Variants in SPNS2 observed in about 807,000 individuals in gnomAD.
SPNS2 encodes sphingosine-1-phosphate transporter SPNS2.
SPNS2 carries 37 observed loss-of-function variants against 57.6 expected under a neutral mutation model. The observed-to-expected ratio is 0.64, with a 90% CI of 0.49 to 0.85. SPNS2 has a LOEUF of 0.85. SPNS2 is among the 40% of genes least tolerant of loss of function. The pLI, the probability that SPNS2 is intolerant of heterozygous loss-of-function variation, is 0.00. For missense variants in SPNS2, 831 were observed against 779.1 expected, an observed-to-expected ratio of 1.07 and a Z score of -0.79; for synonymous variants, 440 against 346.9, an observed-to-expected ratio of 1.27 and a Z score of -2.98.
At chr17:4,520,409 G>A (rs773311123) in intron 2 of SPNS2, among the ~76,000 whole-genome samples, 26 of 152,166 alleles carry the variant, frequency 1.7e-4, no homozygotes, top group Admixed American at 1.3e-3. Context: ...GGGGTCTGGC[G>A]AAGGTCTGGG....
At chr17:4,513,195 G>A (rs1447052471) in intron 1 of SPNS2, 52 bp from the exon 2 acceptor site, 6 of 1,588,858 alleles carry the variant, frequency 3.8e-6, no homozygotes, top group Non-Finnish European at 5.2e-6. Flanking sequence ...CTGGTCTGTG[G>A]GGACACCAGC....
In SPNS2 at chr17:4,499,144, G is replaced by C. The variant is rs1234393623; in HGVS notation, c.97G>C (p.Gly33Arg). The C allele has an allele frequency of 4.2e-6, 5 of 1,181,322 alleles. No individual in the cohort carries two copies. The highest frequency in any genetic ancestry group is 4.2e-6 in the Non-Finnish European group (4 of 955,674). The allele number at this position is 1,181,322 out of a possible 1,614,324, so 73.2% of individuals were successfully genotyped here. ...RRRRRRGAQRGAGGSGCCGAR... is the reference protein window; with the variant it reads ...RRRRRRGAQRRAGGSGCCGAR... Reference sequence around the variant, plus strand: ...GCGCCGGCGCCGGGGGGCGCAGCGAGGGGCTGGCGGTAGCGGTTGCTGCGG... The same window carrying C: ...GCGCCGGCGCCGGGGGGCGCAGCGACGGGCTGGCGGTAGCGGTTGCTGCGG... Residue 33 changes from glycine (G) to arginine (R), a missense_variant, in exon 1 of 13, where the codon GGG (glycine) becomes CGG (arginine). By Grantham distance (125) the Gly-to-Arg change is moderately radical. Around this residue, in one of 2 missense-constraint regions of SPNS2, gnomAD observed 305 missense variants for 378.3 expected, o/e 0.81. Transcript: ENST00000329078. The surrounding 1 kb of genome is among the most constrained non-coding windows in gnomAD (Gnocchi z 5.2).
chr17:4,508,940 G>A (rs1374551655), intron 1 of SPNS2, among the ~76,000 whole-genome samples: 1 of 152,224 alleles, frequency 6.6e-6, no homozygotes, highest in African/African-American at 2.4e-5. Context: ...TAGGAGATTC[G>A]TAAGAGCTTG....
intron 2 of SPNS2, among the ~76,000 whole-genome samples, chr17:4,516,342 A>T (rs141272094): frequency 2.2e-5 from 1 of 44,454 alleles, no homozygotes; most frequent in Non-Finnish European, 3.8e-5. Flanking sequence ...AAAAAAAAAA[A>T]ACAAAAAAAC....
rs966102549 is a variant in SPNS2 at position 4,499,020 on chromosome 17, G to A, written c.-28G>A. On this transcript the variant is annotated 5_prime_UTR_variant, in exon 1 of 13. Transcript: ENST00000329078. This position sits in a 1 kb window ranked among gnomAD's most constrained non-coding sequence, Gnocchi z 5.2. ...CCAGCCTGGGCCCCGCGCCCCCCGCGCCCCCCGCCGCCCCGATCCGGGCCG... is the reference window on the plus strand; with the variant it reads ...CCAGCCTGGGCCCCGCGCCCCCCGCACCCCCCGCCGCCCCGATCCGGGCCG... 24 of 993,064 alleles carry A rather than the reference G, an allele frequency of 2.4e-5. No homozygotes were observed. The highest frequency in any genetic ancestry group is 2.8e-5 in the Non-Finnish European group (23 of 836,058). The allele number at this position is 993,064 out of a possible 1,614,324, so 61.5% of individuals were successfully genotyped here.
chr17:4,536,105 T>G lies in SPNS2; in HGVS notation c.1374T>G (p.Thr458=). 1 of 1,612,220 alleles carries G rather than the reference T, an allele frequency of 6.2e-7. No homozygotes were observed. Among genetic ancestry groups the G allele is most frequent in the Non-Finnish European group, 8.5e-7 (1 of 1,179,760 alleles). Residue 458 remains threonine (T), a synonymous_variant, in exon 10 of 13, where the codon ACT becomes ACG. Coordinates refer to ENST00000329078, the MANE Select transcript of SPNS2 (RefSeq NM_001124758.3). The stretch of plus-strand genomic sequence containing the variant: ...TGGTCATCCCCACGCGGCGCGCCAC[T>G]GCCGTGGCCTTGCAGAGCTTCACCT... ...MYVVIPTRRA[T]AVALQSFTSH... is the part of the protein sequence containing the mutation.
intron 2 of SPNS2, among the ~76,000 whole-genome samples, chr17:4,517,032 C>T (rs906115806): frequency 1.3e-5 from 2 of 152,234 alleles, no homozygotes; most frequent in Non-Finnish European, 2.9e-5. Context: ...CCGCCTGGCT[C>T]AGTTTCCGGG....
intron 8 of SPNS2, 69 bp from the exon 9 acceptor site, chr17:4,533,719 A>G (rs1905614307): frequency 7.1e-6 from 11 of 1,554,638 alleles, no homozygotes; most frequent in South Asian, 2.2e-5. Context: ...GCCAGTGTGT[A>G]GGGAACAGAG....
At position 4,512,266 on chromosome 17, in the gene SPNS2, C is replaced by T. The variant is rs1904848186; in HGVS notation, c.371-981C>T. On this transcript the variant is annotated intron_variant, in intron 1 of 12. Transcript: ENST00000329078. This position sits in a 1 kb window ranked among gnomAD's most constrained non-coding sequence, Gnocchi z 5.2. Reference sequence around the variant, plus strand: ...GGGGCTCTGGCCTGTGCCCTGGGTCCTCCTGTCCTCACAGATAATGCAGGC... The same window carrying T: ...GGGGCTCTGGCCTGTGCCCTGGGTCTTCCTGTCCTCACAGATAATGCAGGC... 6.6e-6 allele frequency among the ~76,000 whole-genome samples: 1 copy of T among 152,170 alleles called. No homozygotes were observed. The highest frequency in any genetic ancestry group is 2.4e-5 in the African/African-American group (1 of 41,434).
intron 1 of SPNS2, among the ~76,000 whole-genome samples, chr17:4,505,325 A>G (rs1904643953): frequency 6.6e-6 from 1 of 152,160 alleles, no homozygotes. Flanking sequence ...CTGAAAGGGC[A>G]CTGGTAGGTT....
rs576318871 is a variant in SPNS2, at chr17:4,536,432, T to TTG, written c.1607+6_1607+7insTG. ...CGCGCCAGGGCTGAGCAGCAGTGAG[T>TTG]GGGGGGGAGGGGAGGCCCTGCTGCA... On this transcript the variant is annotated splice_region_variant and intron_variant, in intron 11 of 12. Coordinates refer to ENST00000329078, the MANE Select transcript of SPNS2 (RefSeq NM_001124758.3). 5.1e-5 allele frequency: 81 copies of TTG among 1,578,656 alleles called. 1 individual carries two copies. In the South Asian group the frequency reaches 5.9e-4, roughly 11 times the overall value.
At chr17:4,503,947 A>AG (rs1210318406) in intron 1 of SPNS2, among the ~76,000 whole-genome samples, 1 of 140,244 alleles carries the variant, frequency 7.1e-6, no homozygotes, top group Admixed American at 7.0e-5. Flanking sequence ...GTGCAGGAGG[A>AG]GGGGGTGCCA....
intron 2 of SPNS2, among the ~76,000 whole-genome samples, chr17:4,524,366 C>T (rs554328759): frequency 5.9e-5 from 9 of 152,248 alleles, no homozygotes; most frequent in Non-Finnish European, 1.3e-4. Flanking sequence ...TGGAAAGATA[C>T]GTAATACATG....
intron 2 of SPNS2, among the ~76,000 whole-genome samples, chr17:4,524,279 C>T (rs1221726360): frequency 6.6e-6 from 1 of 152,178 alleles, no homozygotes; most frequent in Non-Finnish European, 1.5e-5. Context: ...CCCACTGGAA[C>T]ATTTACTGCC....
At chr17:4,535,310 G>C (rs72830097) in intron 9 of SPNS2, among the ~76,000 whole-genome samples, 46,498 of 152,108 alleles carry the variant, frequency 0.31, 7,488 homozygotes, top group East Asian at 0.54. Context: ...GGTGCGAGCG[G>C]AGGCTCTTGC....
rs1376711279 is a variant in SPNS2, at chr17:4,537,957, GGTA to G, written c.*510_*512del. On this transcript the variant is annotated 3_prime_UTR_variant, in exon 13 of 13. Coordinates refer to ENST00000329078, the MANE Select transcript of SPNS2 (RefSeq NM_001124758.3). ...GGCTTTGAGGCTCACGCGAGGGCCT[GGTA>G]TGCAGGGACCACTGCTCAGCTGGGC... The G allele has an allele frequency of 1.4e-5, 5 of 368,988 alleles. No individual in the cohort carries two copies. Among genetic ancestry groups the G allele is most frequent in the Non-Finnish European group, 2.7e-5 (5 of 182,814 alleles). 22.9% of individuals were successfully genotyped at this position (368,988 alleles called of 1,614,324 possible).
intron 12 of SPNS2, among the ~76,000 whole-genome samples, chr17:4,537,204 G>A (rs1213324365): frequency 1.3e-5 from 2 of 152,192 alleles, no homozygotes; most frequent in Admixed American, 1.3e-4. Flanking sequence ...TCAGGGCCAG[G>A]ACTGGCCAGG....
At chr17:4,531,000 CCT>C in intron 4 of SPNS2, 51 bp from the exon 5 acceptor site, 1 of 1,598,102 alleles carries the variant, frequency 6.3e-7, no homozygotes, top group Non-Finnish European at 8.5e-7. Context: ...GCGGGCACTC[CCT>C]GTCCCCAGCC....
At chr17:4,501,966 T>G (rs1305262055) in intron 1 of SPNS2, among the ~76,000 whole-genome samples, 3 of 152,228 alleles carry the variant, frequency 2.0e-5, no homozygotes, top group Non-Finnish European at 4.4e-5. Context: ...AGCCACATAT[T>G]CCTGTCAAAT....
Sources: gnomAD v4.1 joint callset for allele counts (sites outside exome capture counted in the v4.1 genomes callset) on GRCh38, gnomAD v4.1.1 for gene constraint, gnomAD v4.1.1 regional missense constraint, Gnocchi (gnomAD v3.1) non-coding constraint, MANE v1.5 for transcripts, NCBI Gene and HGNC (gene_info 2026-07-23, HGNC 2026-07-21) for gene names.